The following SHTN1 variants were observed in gnomAD, a reference collection of about 807,000 sequenced individuals.
SHTN1 encodes shootin 1.
Under a neutral mutation model 83.1 loss-of-function variants are expected in SHTN1, and 42 were observed. The ratio of observed to expected loss-of-function variants is 0.51; its 90% CI spans 0.39 to 0.65. The LOEUF is 0.65. SHTN1 is among the 30% of genes least tolerant of loss of function. SHTN1 has a pLI of 0.00. For synonymous variants in SHTN1, 224 were observed against 247.7 expected, an observed-to-expected ratio of 0.90 and a Z score of 0.90; for missense variants, 622 against 737.8, an observed-to-expected ratio of 0.84 and a Z score of 1.82.
rs1234908764 is a variant in SHTN1, at chr10:117,092,405, A to G, written c.-189+33902T>C. On this transcript the variant is annotated intron_variant, in intron 1 of 17. Coordinates refer to the SHTN1 transcript ENST00000392901. ...CAAGCTACAACATCCTTTATCCAGA[A>G]TTTGCGACAAATGCGAGAATTGATA... 2.6e-5 allele frequency among the ~76,000 whole-genome samples: 4 copies of G among 152,212 alleles called. 1 individual carries two copies. The highest frequency in any genetic ancestry group is 9.6e-5 in the African/African-American group (4 of 41,452).
chr10:117,106,196 C>T (rs374781043), intron 1 of SHTN1, among the ~76,000 whole-genome samples: 31 of 152,202 alleles, frequency 2.0e-4, no homozygotes, highest in Middle Eastern at 6.8e-3. Context: ...GTGGCTCACG[C>T]CTGTAATCCC....
At chr10:116,995,962 C>T (rs995242371) in intron 1 of SHTN1, among the ~76,000 whole-genome samples, 5 of 152,078 alleles carry the variant, frequency 3.3e-5, no homozygotes, top group Admixed American at 6.6e-5. Context: ...GGCTTCTTAG[C>T]CTAAGGAGGC....
chr10:117,029,427 G>T (rs936587621), intron 2 of SHTN1, among the ~76,000 whole-genome samples: 12 of 152,176 alleles, frequency 7.9e-5, no homozygotes, highest in African/African-American at 2.7e-4. Flanking sequence ...AGGCATGATG[G>T]TATTTTGCAA....
chr10:116,886,644 C>CT, intron 16 of SHTN1, 78 bp from the exon 17 acceptor site: 9 of 1,575,488 alleles, frequency 5.7e-6, no homozygotes, highest in Non-Finnish European at 7.8e-6. Flanking sequence ...TGGATTCAGA[C>CT]TAACATAAAA....
chr10:117,011,606 G>A (rs1444191286), intron 2 of SHTN1, among the ~76,000 whole-genome samples: 3 of 152,168 alleles, frequency 2.0e-5, no homozygotes, highest in Non-Finnish European at 4.4e-5. Flanking sequence ...TTGAAAAGAT[G>A]CTCAACATCA....
At chr10:117,043,307 T>G (rs1256086562) in intron 2 of SHTN1, among the ~76,000 whole-genome samples, 1 of 152,030 alleles carries the variant, frequency 6.6e-6, no homozygotes, top group Non-Finnish European at 1.5e-5. Flanking sequence ...CTAATTTTTT[T>G]GTATTTTTAG....
chr10:117,055,797 G>T (rs765691393), intron 1 of SHTN1, among the ~76,000 whole-genome samples: 11 of 152,198 alleles, frequency 7.2e-5, no homozygotes, highest in African/African-American at 2.7e-4. Flanking sequence ...CAACTCAAGA[G>T]TTCCAGACTG....
intron 1 of SHTN1, among the ~76,000 whole-genome samples, chr10:116,987,569 A>G (rs1228966667): frequency 1.3e-5 from 2 of 152,160 alleles, no homozygotes; most frequent in African/African-American, 4.8e-5. Flanking sequence ...CTACATACAT[A>G]TGATTCCAAT....
chr10:116,913,680 T>C (rs1371609490), intron 13 of SHTN1, among the ~76,000 whole-genome samples: 1 of 152,232 alleles, frequency 6.6e-6, no homozygotes, highest in Non-Finnish European at 1.5e-5. Flanking sequence ...TAATTAGTGG[T>C]GATGTGAAAG....
At chr10:117,018,468 A>C (rs1852212599) in intron 2 of SHTN1, among the ~76,000 whole-genome samples, 1 of 151,764 alleles carries the variant, frequency 6.6e-6, no homozygotes. Context: ...GTAGAAGGGA[A>C]TCTACTCAAT....
intron 15 of SHTN1, among the ~76,000 whole-genome samples, 180 bp from the exon 16 acceptor site, chr10:116,902,137 T>C (rs1847765400): frequency 6.6e-6 from 1 of 152,204 alleles, no homozygotes; most frequent in Non-Finnish European, 1.5e-5. Context: ...TACTACTACA[T>C]TTCAATCTAC....
intron 2 of SHTN1, chr10:116,974,182 C>T (rs1850712280): frequency 2.0e-6 from 2 of 1,011,824 alleles, no homozygotes; most frequent in Non-Finnish European, 2.4e-6. Flanking sequence ...GATGGAAACA[C>T]ATGTCATCAG....
At chr10:117,059,823 T>C (rs1006523747) in intron 1 of SHTN1, among the ~76,000 whole-genome samples, 9 of 152,184 alleles carry the variant, frequency 5.9e-5, no homozygotes, top group African/African-American at 2.2e-4. Context: ...GATTGTACCA[T>C]TGAGGGAAAC....
intron 1 of SHTN1, among the ~76,000 whole-genome samples, chr10:117,060,542 T>A (rs1852884001): frequency 6.6e-6 from 1 of 152,198 alleles, no homozygotes; most frequent in African/African-American, 2.4e-5. Context: ...GGAACTCAGA[T>A]GACTTCAAAG....
At chr10:116,997,742 C>G (rs1381281634) in intron 1 of SHTN1, among the ~76,000 whole-genome samples, 1 of 152,148 alleles carries the variant, frequency 6.6e-6, no homozygotes, top group African/African-American at 2.4e-5. Flanking sequence ...CTGGTTCCCC[C>G]TTTTCCATAT....
At chr10:116,902,060 G>T in intron 15 of SHTN1, 103 bp from the exon 16 acceptor site, 1 of 1,033,408 alleles carries the variant, frequency 9.7e-7, no homozygotes, top group Non-Finnish European at 1.4e-6. Flanking sequence ...AAGTGAAAAG[G>T]CCAAGTTTGT....
At chr10:117,077,483 CT>C (rs112825619) in intron 1 of SHTN1, among the ~76,000 whole-genome samples, 7 of 151,378 alleles carry the variant, frequency 4.6e-5, no homozygotes, top group Non-Finnish European at 3.0e-5. Context: ...GGAGGAGAAT[CT>C]TTTTTTTTAT....
At chr10:117,119,752 A>G (rs1853896864) in intron 1 of SHTN1, among the ~76,000 whole-genome samples, 1 of 152,206 alleles carries the variant, frequency 6.6e-6, no homozygotes, top group African/African-American at 2.4e-5. Flanking sequence ...ACTGTTCACA[A>G]TAGCCAAGAT....
intron 1 of SHTN1, among the ~76,000 whole-genome samples, chr10:116,999,420 TAAGAG>T (rs1206349774): frequency 2.0e-5 from 3 of 152,176 alleles, no homozygotes; most frequent in African/African-American, 7.2e-5. Context: ...CTCAAGGAGA[TAAGAG>T]AAAAGATCTT....
Sources: gnomAD v4.1 joint callset for allele counts (sites outside exome capture counted in the v4.1 genomes callset) on GRCh38, gnomAD v4.1.1 for gene constraint, MANE v1.5 for transcripts, NCBI Gene and HGNC (gene_info 2026-07-23, HGNC 2026-07-21) for gene names.